The following RBFOX1 variants were observed in gnomAD, a reference collection of about 807,000 sequenced individuals.
The protein encoded by RBFOX1 is RNA binding fox-1 homolog 1.
In RBFOX1, 8 loss-of-function variants were observed where a neutral mutation model predicts 57.7. That is an observed-to-expected ratio of 0.14 (90% CI 0.08 to 0.25). The LOEUF (loss-of-function observed/expected upper bound fraction) is 0.25. RBFOX1 is among the 10% of genes least tolerant of loss of function. RBFOX1 has a pLI of 1.00. For synonymous variants in RBFOX1, 326 were observed against 222.4 expected, an observed-to-expected ratio of 1.47 and a Z score of -4.15; for missense variants, 611 against 548.5, an observed-to-expected ratio of 1.11 and a Z score of -1.14.
chr16:7,467,378 C>G (rs2060721982), intron 4 of RBFOX1, among the ~76,000 whole-genome samples: 1 of 152,082 alleles, frequency 6.6e-6, no homozygotes, highest in Non-Finnish European at 1.5e-5. Context: ...TATCTGTCTG[C>G]CTTCTAGGGT....
chr16:6,089,870 A>T (rs2096145856), intron 1 of RBFOX1, among the ~76,000 whole-genome samples: 1 of 152,344 alleles, frequency 6.6e-6, no homozygotes, highest in African/African-American at 2.4e-5. Context: ...CACAAACTCA[A>T]ATATTGTGTA....
At chr16:6,513,459 C>T (rs11648345) in intron 2 of RBFOX1, among the ~76,000 whole-genome samples, 33,074 of 152,088 alleles carry the variant, frequency 0.22, 4,142 homozygotes, top group Non-Finnish European at 0.29. Flanking sequence ...TGAGGCCGGG[C>T]GCGGTGGCTC....
rs191715625 is a variant in RBFOX1 at position 7,198,040 on chromosome 16, C to G, written c.27+145942C>G. On this transcript the variant is annotated intron_variant, in intron 4 of 15. Coordinates refer to ENST00000550418, the MANE Select transcript of RBFOX1 (RefSeq NM_018723.4). ...TTTTTTTTTGAGACGGAGTCTTGCT[C>G]TGTCGCCCAGGCTGGAATGCCGTGG... 6.5e-3 allele frequency among the ~76,000 whole-genome samples: 682 copies of G among 104,900 alleles called. 4 individuals carry two copies. Among genetic ancestry groups the G allele is most frequent in the African/African-American group, 0.024 (648 of 26,630 alleles). The allele number at this position is 104,900 out of a possible 152,430, so 68.8% of individuals were successfully genotyped here. A position where few individuals can be genotyped will look rare whatever the true frequency, so the allele number is the denominator to read the frequency against.
At chr16:5,254,943 A>G (rs1289584912) in intron 1 of RBFOX1, among the ~76,000 whole-genome samples, 1 of 152,188 alleles carries the variant, frequency 6.6e-6, no homozygotes, top group Non-Finnish European at 1.5e-5. Context: ...CTGTTGGGGA[A>G]GTCTTGATAA....
At chr16:6,917,000 C>T (rs1176055331) in intron 3 of RBFOX1, among the ~76,000 whole-genome samples, 3 of 152,034 alleles carry the variant, frequency 2.0e-5, no homozygotes, top group East Asian at 1.9e-4. Flanking sequence ...CACATGCATG[C>T]CATCACATCA....
chr16:5,265,960 C>A (rs1183752137), intron 1 of RBFOX1, among the ~76,000 whole-genome samples: 1 of 151,794 alleles, frequency 6.6e-6, no homozygotes, highest in Non-Finnish European at 1.5e-5. Flanking sequence ...TTGAGCCCAG[C>A]AGATGCCATT....
chr16:6,468,080 G>T (rs1345518038), intron 2 of RBFOX1, among the ~76,000 whole-genome samples: 1 of 152,106 alleles, frequency 6.6e-6, no homozygotes, highest in Non-Finnish European at 1.5e-5. Context: ...AATACGGAGT[G>T]GGGATGGTGA....
intron 1 of RBFOX1, among the ~76,000 whole-genome samples, chr16:5,286,875 G>T (rs2063407940): frequency 6.6e-6 from 1 of 152,240 alleles, no homozygotes; most frequent in African/African-American, 2.4e-5. Context: ...CAAACAGTCA[G>T]AGGGCCAGAT....
intron 3 of RBFOX1, among the ~76,000 whole-genome samples, chr16:5,770,283 G>A (rs1444090205): frequency 6.6e-6 from 1 of 152,204 alleles, no homozygotes; most frequent in African/African-American, 2.4e-5. Flanking sequence ...CTACAACCAA[G>A]ATGGTGATGA....
chr16:6,549,723 C>G (rs2096957233), intron 2 of RBFOX1, among the ~76,000 whole-genome samples: 1 of 151,986 alleles, frequency 6.6e-6, no homozygotes, highest in South Asian at 2.1e-4. Flanking sequence ...AGCCTCATGA[C>G]CTACAGAGTA....
At chr16:5,708,719 G>T (rs139368571) in intron 3 of RBFOX1, among the ~76,000 whole-genome samples, 2 of 152,088 alleles carry the variant, frequency 1.3e-5, no homozygotes, top group Non-Finnish European at 2.9e-5. Flanking sequence ...ATCTGGCACC[G>T]GCTTGGGCAA....
At chr16:7,466,528 C>G (rs187241049) in intron 4 of RBFOX1, among the ~76,000 whole-genome samples, 2 of 152,134 alleles carry the variant, frequency 1.3e-5, no homozygotes, top group Admixed American at 6.5e-5. Flanking sequence ...TGCTTCAACT[C>G]CACGATGTCC....
At position 6,898,572 on chromosome 16, in the gene RBFOX1, A is replaced by G. The variant is rs187338902; in HGVS notation, c.-15-153485A>G. On this transcript the variant is annotated intron_variant, in intron 3 of 15. Coordinates refer to ENST00000550418, the MANE Select transcript of RBFOX1 (RefSeq NM_018723.4). ...TGGATTCTGCTGTGTTACACGGTAC[A>G]TAAACTTCTCATGTCCGTGGGAGTA... Among the ~76,000 whole-genome samples the G allele has an allele frequency of 2.9e-3, 435 of 152,326 alleles. 1 individual carries two copies. The highest frequency in any genetic ancestry group is 0.014 in the Middle Eastern group (4 of 294).
At chr16:7,391,245 C>G (rs2098012114) in intron 4 of RBFOX1, among the ~76,000 whole-genome samples, 1 of 152,192 alleles carries the variant, frequency 6.6e-6, no homozygotes, top group Non-Finnish European at 1.5e-5. Context: ...CTAGGCCAGT[C>G]TCTTTTTAGA....
At chr16:5,546,265 G>A (rs77091505) in intron 2 of RBFOX1, among the ~76,000 whole-genome samples, 3,149 of 152,260 alleles carry the variant, frequency 0.021, 71 homozygotes, top group African/African-American at 0.049. Flanking sequence ...CAGAGTCAAT[G>A]CAGTCCAAAC....
intron 2 of RBFOX1, among the ~76,000 whole-genome samples, chr16:6,623,983 G>A (rs577359477): frequency 9.2e-5 from 14 of 152,142 alleles, no homozygotes; most frequent in Non-Finnish European, 1.8e-4. Flanking sequence ...GGGTCAAATG[G>A]TATTTCTAGT....
intron 1 of RBFOX1, among the ~76,000 whole-genome samples, chr16:6,047,601 G>T (rs547066317): frequency 6.6e-6 from 1 of 152,320 alleles, no homozygotes; most frequent in South Asian, 2.1e-4. Context: ...GAAGCAGGGG[G>T]TGAGGGATGA....
chr16:6,288,537 C>G (rs1428069474), intron 1 of RBFOX1, among the ~76,000 whole-genome samples: 1 of 152,148 alleles, frequency 6.6e-6, no homozygotes. Context: ...ATGTCCTATG[C>G]TAGATACTGC....
chr16:5,758,146 G>C (rs772023036), intron 3 of RBFOX1, among the ~76,000 whole-genome samples: 5 of 152,214 alleles, frequency 3.3e-5, no homozygotes, highest in Non-Finnish European at 5.9e-5. Context: ...AGCCAGGAAA[G>C]ACTCCACTAA....
Sources: gnomAD v4.1 joint callset for allele counts (sites outside exome capture counted in the v4.1 genomes callset) on GRCh38, gnomAD v4.1.1 for gene constraint, MANE v1.5 for transcripts, NCBI Gene and HGNC (gene_info 2026-07-23, HGNC 2026-07-21) for gene names.